Variants in PAH observed in about 807,000 individuals in gnomAD.
PAH encodes the protein phenylalanine-4-hydroxylase.
Under a neutral mutation model 62.0 loss-of-function variants are expected in PAH, and 64 were observed. That is an observed-to-expected ratio of 1.03 (90% CI 0.84 to 1.27). The LOEUF (loss-of-function observed/expected upper bound fraction) is 1.27. Among genes scored for constraint, PAH ranks in the 50% most tolerant of loss-of-function variants. PAH has a pLI of 0.00. For missense variants in PAH, 579 were observed against 542.8 expected, an observed-to-expected ratio of 1.07 and a Z score of -0.66; for synonymous variants, 195 against 196.2, an observed-to-expected ratio of 0.99 and a Z score of 0.05.
chr12:102,847,251 T>A (rs1874892297), intron 8 of PAH: 1 of 427,866 alleles, frequency 2.3e-6, no homozygotes, highest in Non-Finnish European at 4.4e-6. Context: ...ATCTAAAGCT[T>A]CTTCTCTTGA....
intron 3 of PAH, among the ~76,000 whole-genome samples, chr12:102,885,043 A>G (rs1876974920): frequency 6.6e-6 from 1 of 152,208 alleles, no homozygotes; most frequent in Non-Finnish European, 1.5e-5. Context: ...TGCTGGGCTT[A>G]GAATAAAGGT....
Position 102,936,597 on chromosome 12 carries a change from T to C in PAH, c.-96+13992A>G, listed in dbSNP as rs1029675612. Among the ~76,000 whole-genome samples the C allele has an allele frequency of 3.9e-5, 6 of 152,348 alleles. No individual in the cohort carries two copies. The East Asian group carries it at 1.2e-3, about 29-fold the overall frequency. ...TGCATATATATTTACAATTATTATA[T>C]TGTCTTGATGAATTTACCACTTTAT... On this transcript the variant is annotated intron_variant, in intron 1 of 3. Coordinates refer to the PAH transcript ENST00000546844.
chr12:102,945,476 C>G (rs748091165), intron 1 of PAH, among the ~76,000 whole-genome samples: 22 of 152,212 alleles, frequency 1.4e-4, no homozygotes, highest in Non-Finnish European at 2.8e-4. Flanking sequence ...ACCTGGTGCT[C>G]TCTTTTACTG....
chr12:102,853,575 G>A (rs1875275545), intron 6 of PAH, among the ~76,000 whole-genome samples: 1 of 152,216 alleles, frequency 6.6e-6, no homozygotes, highest in African/African-American at 2.4e-5. Context: ...TATGCTCTAT[G>A]AATTGGCAGG....
At chr12:102,850,132 A>G (rs1425859353) in intron 8 of PAH, among the ~76,000 whole-genome samples, 1 of 152,218 alleles carries the variant, frequency 6.6e-6, no homozygotes, top group Non-Finnish European at 1.5e-5. Flanking sequence ...TAACAAATCC[A>G]GATTTTAAAA....
chr12:102,870,015 A>G (rs1287514076), intron 4 of PAH, among the ~76,000 whole-genome samples: 1 of 152,100 alleles, frequency 6.6e-6, no homozygotes, highest in East Asian at 1.9e-4. Context: ...ACAGGAAAAT[A>G]TATTGTTGGT....
chr12:102,942,902 T>C (rs963989790), intron 1 of PAH, among the ~76,000 whole-genome samples: 8 of 152,102 alleles, frequency 5.3e-5, no homozygotes, highest in African/African-American at 1.9e-4. Flanking sequence ...TTTCACCATA[T>C]ACAAAAGTCA....
At chr12:102,931,429 G>T (rs1878870051) in intron 1 of PAH, among the ~76,000 whole-genome samples, 1 of 152,154 alleles carries the variant, frequency 6.6e-6, no homozygotes, top group Admixed American at 6.6e-5. Flanking sequence ...GCCCCTGACT[G>T]CCTTGAGGGT....
In PAH at chr12:102,897,465, G is replaced by GTGTATA. The variant is rs1491228677; in HGVS notation, c.169-2548_169-2547insTATACA. On this transcript the variant is annotated intron_variant, in intron 2 of 12. Coordinates refer to ENST00000553106, the MANE Select transcript of PAH (RefSeq NM_000277.3). ...CTCTCATATATATGTGTGTGTGTGT[G>GTGTATA]TATATATATATATATATATATATAT... Among the ~76,000 whole-genome samples the GTGTATA allele has an allele frequency of 8.1e-4, 76 of 93,958 alleles. 3 individuals are homozygous for GTGTATA. In the South Asian group the frequency reaches 0.017, roughly 21 times the overall value. The allele number at this position is 93,958 out of a possible 152,430, so 61.6% of individuals were successfully genotyped here.
At chr12:102,905,124 C>T (rs115181875) in intron 2 of PAH, among the ~76,000 whole-genome samples, 89 of 152,224 alleles carry the variant, frequency 5.8e-4, no homozygotes, top group African/African-American at 2.1e-3. Flanking sequence ...AGAGTCACAC[C>T]AGGCATAGCA....
intron 3 of PAH, among the ~76,000 whole-genome samples, chr12:102,892,701 C>T (rs1877324438): frequency 6.6e-6 from 1 of 152,272 alleles, no homozygotes; most frequent in Non-Finnish European, 1.5e-5. Flanking sequence ...AGGCTACATA[C>T]TGTATGATTT....
intron 2 of PAH, among the ~76,000 whole-genome samples, chr12:102,900,805 G>A (rs1206980608): frequency 6.6e-6 from 1 of 152,134 alleles, no homozygotes; most frequent in African/African-American, 2.4e-5. Flanking sequence ...AGAGGTTTGT[G>A]TAGGTTTACA....
chr12:102,883,524 C>T (rs1354497737), intron 3 of PAH, among the ~76,000 whole-genome samples: 2 of 152,168 alleles, frequency 1.3e-5, no homozygotes, highest in Admixed American at 6.5e-5. Flanking sequence ...TAAAACAAAA[C>T]GAAAACAAAA....
At position 102,837,898 on chromosome 12, in the gene PAH, C is replaced by T. The variant is rs1244065577; in HGVS notation, c.*1277G>A. ...GTACTTAAAAATACAGGTCTCTGGG[C>T]CTTATCTTCAGAGATTCAAATTGGG... On this transcript the variant is annotated 3_prime_UTR_variant, in exon 13 of 13. Coordinates refer to ENST00000553106, the MANE Select transcript of PAH (RefSeq NM_000277.3). The T allele has an allele frequency of 6.6e-6, 1 of 152,238 alleles. No individual in the cohort carries two copies. Among genetic ancestry groups the T allele is most frequent in the East Asian group, 1.9e-4 (1 of 5,186 alleles). 9.4% of individuals were successfully genotyped at this position (152,238 alleles called of 1,614,324 possible). A position where few individuals can be genotyped will look rare whatever the true frequency, so the allele number is the denominator to read the frequency against.
rs1555213024 is a variant in PAH, at chr12:102,957,339, A to C, written c.-96+856T>G. Among the ~76,000 whole-genome samples the C allele has an allele frequency of 1.7e-4, 24 of 143,986 alleles. No homozygotes were observed. Among genetic ancestry groups the C allele is most frequent in the South Asian group, 2.3e-4 (1 of 4,424 alleles). The allele number at this position is 143,986 out of a possible 152,430, so 94.5% of individuals were successfully genotyped here. ...ATTTGTCCCTCCTGTGACGCCCCCC[A>C]CCCCCTTCCTAAAGCCACCCCCGGC... On this transcript the variant is annotated intron_variant, in intron 1 of 4. Coordinates refer to the PAH transcript ENST00000551337. The surrounding 1 kb of genome is among the most constrained non-coding windows in gnomAD (Gnocchi z 4.1).
In PAH at chr12:102,871,934, AAAAAAAAAAAAAAAAATATATATAT is replaced by A. The variant is rs1375534633; in HGVS notation, c.442-5296_442-5272del. On this transcript the variant is annotated intron_variant, in intron 4 of 12. Transcript: ENST00000553106. ...CAAAACTCTGCCTCAAAAAAAAAAA[AAAAAAAAAAAAAAAAATATATATAT>A]ATATATATATATATATATATATATA... Among the ~76,000 whole-genome samples, 1,051 of 108,424 alleles carry A rather than the reference AAAAAAAAAAAAAAAAATATATATAT, an allele frequency of 9.7e-3. 12 individuals carry two copies. Among genetic ancestry groups the A allele is most frequent in the East Asian group, 0.03 (128 of 4,296 alleles). 71.1% of individuals were successfully genotyped at this position (108,424 alleles called of 152,430 possible).
chr12:102,890,909 C>T (rs1024866359), intron 3 of PAH, among the ~76,000 whole-genome samples: 2 of 152,004 alleles, frequency 1.3e-5, no homozygotes, highest in African/African-American at 4.8e-5. Context: ...ATGGCGAAAC[C>T]CCGTCTCTAC....
At chr12:102,862,994 G>A (rs976471297) in intron 5 of PAH, among the ~76,000 whole-genome samples, 15 of 150,940 alleles carry the variant, frequency 9.9e-5, no homozygotes, top group African/African-American at 2.2e-4. Context: ...CGCCATTATC[G>A]AGACTAAGCA....
rs147740120 is a variant in PAH, at chr12:102,837,358, A to C, written c.*1817T>G. 4.6e-5 allele frequency: 7 copies of C among 152,266 alleles called. No individual in the cohort carries two copies. The highest frequency in any genetic ancestry group is 2.6e-4 in the Admixed American group (4 of 15,288). The allele number at this position is 152,266 out of a possible 1,614,324, so 9.4% of individuals were successfully genotyped here. Reference sequence around the variant, plus strand: ...ACTCTTCAATATTGTCAAAAATATTATCTAATATTTAAGTTCCAGAGTCAA... The same window carrying C: ...ACTCTTCAATATTGTCAAAAATATTCTCTAATATTTAAGTTCCAGAGTCAA... On this transcript the variant is annotated 3_prime_UTR_variant, in exon 13 of 13. Transcript: ENST00000553106.
Sources: gnomAD v4.1 joint callset for allele counts (sites outside exome capture counted in the v4.1 genomes callset) on GRCh38, gnomAD v4.1.1 for gene constraint, Gnocchi (gnomAD v3.1) non-coding constraint, MANE v1.5 for transcripts, NCBI Gene and HGNC (gene_info 2026-07-23, HGNC 2026-07-21) for gene names.